TYW1: variants seen among roughly 807,000 people sequenced by gnomAD.
The protein encoded by TYW1 is S-adenosyl-L-methionine-dependent tRNA 4-demethylwyosine synthase TYW1.
A neutral mutation model predicts 96.2 loss-of-function variants in TYW1; 46 were observed. That is an observed-to-expected ratio of 0.48 (90% CI 0.38 to 0.61). TYW1 has a LOEUF of 0.61. TYW1 is among the 20% of genes least tolerant of loss of function. The pLI, the probability that TYW1 is intolerant of heterozygous loss-of-function variation, is 0.00. For missense variants in TYW1, 684 were observed against 909.6 expected, an observed-to-expected ratio of 0.75 and a Z score of 3.19; for synonymous variants, 274 against 323.0, an observed-to-expected ratio of 0.85 and a Z score of 1.63.
At chr7:67,088,459 T>A (rs1370280484) in intron 11 of TYW1, among the ~76,000 whole-genome samples, 2 of 152,058 alleles carry the variant, frequency 1.3e-5, no homozygotes, top group African/African-American at 2.4e-5. Context: ...AAGAAAAAAA[T>A]GTTATGTGAT....
chr7:67,020,673 G>A (rs1794221406), intron 6 of TYW1, among the ~76,000 whole-genome samples: 2 of 152,252 alleles, frequency 1.3e-5, no homozygotes, highest in South Asian at 4.1e-4. Context: ...TTTCTCCATT[G>A]TCATCCTATT....
At chr7:67,101,963 T>A (rs1454816199) in intron 12 of TYW1, among the ~76,000 whole-genome samples, 1 of 152,272 alleles carries the variant, frequency 6.6e-6, no homozygotes, top group African/African-American at 2.4e-5. Context: ...GTGTCTGTTT[T>A]ACATAGGGTT....
At chr7:67,235,464 C>T (rs1014146442) in intron 15 of TYW1, among the ~76,000 whole-genome samples, 4 of 152,146 alleles carry the variant, frequency 2.6e-5, no homozygotes, top group African/African-American at 9.7e-5. Flanking sequence ...AGTGTCATGC[C>T]TCTGTCATGA....
At chr7:67,044,243 C>T (rs889463174) in intron 7 of TYW1, among the ~76,000 whole-genome samples, 4 of 151,236 alleles carry the variant, frequency 2.6e-5, no homozygotes, top group East Asian at 2.0e-4. Context: ...CGACCACAAG[C>T]GCATGCCACC....
intron 15 of TYW1, among the ~76,000 whole-genome samples, chr7:67,218,544 G>A (rs1401541990): frequency 1.3e-5 from 2 of 151,902 alleles, no homozygotes; most frequent in South Asian, 2.1e-4. Context: ...TTAGAGACAG[G>A]GTTTTACCAT....
intron 14 of TYW1, among the ~76,000 whole-genome samples, chr7:67,194,512 C>G (rs1350321326): frequency 6.6e-6 from 1 of 152,070 alleles, no homozygotes; most frequent in Admixed American, 6.6e-5. Context: ...GTAATCCCAG[C>G]CACTCAGAAG....
At chr7:67,048,642 A>G (rs1331701489) in intron 7 of TYW1, among the ~76,000 whole-genome samples, 7 of 152,252 alleles carry the variant, frequency 4.6e-5, no homozygotes, top group African/African-American at 1.4e-4. Context: ...GAAGACCAAC[A>G]TGCTGCAAGG....
rs185225679 is a variant in TYW1, at chr7:67,130,305, C to T, written c.1698+12687C>T. ...CTGAGGCAGGAGAATCACCTGAACC[C>T]GGGAGGCGGAGGTTGCAGTGAGCCG... On this transcript the variant is annotated intron_variant, in intron 13 of 15. Transcript: ENST00000359626. Among the ~76,000 whole-genome samples, 35 of 149,634 alleles carry T rather than the reference C, an allele frequency of 2.3e-4. No individual in the cohort carries two copies. The East Asian group carries it at 4.9e-3, about 21-fold the overall frequency.
Position 66,996,879 on chromosome 7 carries a change from C to T in TYW1, c.-100C>T. On this transcript the variant is annotated 5_prime_UTR_variant, in exon 1 of 16. Coordinates refer to ENST00000359626, the MANE Select transcript of TYW1 (RefSeq NM_018264.4). ...ACAGGTCTGCAGGCACTCGGTACGCCGCTAACGCGGCGAGGTAGCTCGGTG... is the reference window on the plus strand; with the variant it reads ...ACAGGTCTGCAGGCACTCGGTACGCTGCTAACGCGGCGAGGTAGCTCGGTG... 1.9e-6 allele frequency: 3 copies of T among 1,593,326 alleles called. No homozygotes were observed. Among genetic ancestry groups the T allele is most frequent in the Non-Finnish European group, 2.6e-6 (3 of 1,169,698 alleles).
At chr7:67,066,365 A>G (rs1795869358) in intron 9 of TYW1, among the ~76,000 whole-genome samples, 1 of 152,130 alleles carries the variant, frequency 6.6e-6, no homozygotes, top group Non-Finnish European at 1.5e-5. Flanking sequence ...AAAGCTTGAT[A>G]TTATCTTGAT....
chr7:67,191,273 A>C (rs555527164), intron 14 of TYW1, among the ~76,000 whole-genome samples: 2 of 152,344 alleles, frequency 1.3e-5, no homozygotes, highest in African/African-American at 2.4e-5. Context: ...AGATAGCCAC[A>C]GTATAGCAGC....
chr7:67,234,465 G>A (rs62465008), intron 15 of TYW1, among the ~76,000 whole-genome samples: 6,092 of 151,858 alleles, frequency 0.04, 176 homozygotes, highest in Middle Eastern at 0.092. Context: ...GAAGGCAGCC[G>A]CCTTCAAGAC....
intron 13 of TYW1, among the ~76,000 whole-genome samples, chr7:67,136,578 A>C (rs1191340581): frequency 6.6e-6 from 1 of 151,590 alleles, no homozygotes; most frequent in African/African-American, 2.4e-5. Flanking sequence ...ATGACTGTGG[A>C]GTAGTGTTTG....
intron 7 of TYW1, 98 bp downstream of exon 7, chr7:67,025,120 G>A: frequency 1.3e-6 from 2 of 1,520,926 alleles, no homozygotes; most frequent in Non-Finnish European, 1.8e-6. Flanking sequence ...TCACAGAGGA[G>A]TTTCATTTCT....
intron 13 of TYW1, among the ~76,000 whole-genome samples, chr7:67,182,177 AT>A (rs1027270893): frequency 7.2e-5 from 11 of 152,160 alleles, no homozygotes; most frequent in African/African-American, 1.7e-4. Context: ...GTGTTTTTGA[AT>A]TTTTAATCAT....
chr7:66,999,395 C>T (rs935002746), intron 3 of TYW1, among the ~76,000 whole-genome samples: 8 of 152,166 alleles, frequency 5.3e-5, no homozygotes, highest in African/African-American at 1.4e-4. Context: ...CACTCTGTCA[C>T]CCAGGCTGGA....
At chr7:67,038,581 G>A (rs542799810) in intron 7 of TYW1, among the ~76,000 whole-genome samples, 33 of 152,058 alleles carry the variant, frequency 2.2e-4, no homozygotes, top group African/African-American at 7.5e-4. Context: ...ACTCCAGCCT[G>A]GACAACAGAG....
chr7:67,197,326 C>CTTT (rs35406844), intron 15 of TYW1, among the ~76,000 whole-genome samples: 3 of 142,534 alleles, frequency 2.1e-5, no homozygotes, highest in Non-Finnish European at 4.6e-5. Context: ...AGACCTCTGT[C>CTTT]TTTTTTTTTT....
chr7:67,154,601 G>T (rs1280019832), intron 13 of TYW1, among the ~76,000 whole-genome samples: 19 of 152,012 alleles, frequency 1.2e-4, no homozygotes, highest in African/African-American at 4.4e-4. Context: ...TGACACTCTT[G>T]CTGTTTTTAG....
Sources: gnomAD v4.1 joint callset for allele counts (sites outside exome capture counted in the v4.1 genomes callset) on GRCh38, gnomAD v4.1.1 for gene constraint, MANE v1.5 for transcripts, NCBI Gene and HGNC (gene_info 2026-07-23, HGNC 2026-07-21) for gene names.